PEAK1: variants seen among roughly 807,000 people sequenced by gnomAD.
The protein encoded by PEAK1 is pseudopodium enriched atypical kinase 1.
PEAK1 carries 54 observed loss-of-function variants against 124.7 expected under a neutral mutation model. The observed-to-expected ratio is 0.43, with a 90% confidence interval of 0.35 to 0.54. The LOEUF (loss-of-function observed/expected upper bound fraction) is 0.54, where lower values mean the gene tolerates loss of function less well. Ranked by LOEUF, PEAK1 falls within the 20% of genes least tolerant of loss-of-function variation. PEAK1 has a pLI of 0.01. For missense variants in PEAK1, 2,046 were observed against 2,134.5 expected (o/e 0.96, Z 0.82); for synonymous variants, 719 against 760.0 (o/e 0.95, Z 0.89).
intron 8 of PEAK1, among the ~76,000 whole-genome samples, chr15:77,141,287 T>C (rs1287861852): frequency 2.0e-5 from 3 of 152,182 alleles, no homozygotes; most frequent in African/African-American, 7.2e-5. Flanking sequence ...GACAATTCTA[T>C]TTACAACACC....
chr15:77,353,266 G>C (rs2067312968), intron 2 of PEAK1, among the ~76,000 whole-genome samples: 1 of 152,174 alleles, frequency 6.6e-6, no homozygotes, highest in African/African-American at 2.4e-5. Context: ...AACAGACTGT[G>C]GTAGAAGTGA....
chr15:77,356,750 AAATTAAGGCACAG>A (rs1269214242), intron 2 of PEAK1, among the ~76,000 whole-genome samples: 4 of 152,334 alleles, frequency 2.6e-5, no homozygotes, highest in African/African-American at 9.6e-5. Context: ...TAGAAATCCA[AAATTAAGGCACAG>A]AATTAAGGCA....
At chr15:77,208,334 C>G (rs999137868) in intron 6 of PEAK1, among the ~76,000 whole-genome samples, 3 of 152,186 alleles carry the variant, frequency 2.0e-5, no homozygotes, top group Non-Finnish European at 2.9e-5. Context: ...AAGTCCCACT[C>G]AACTCTATGC....
At chr15:77,259,745 A>C (rs1484158748) in intron 5 of PEAK1, among the ~76,000 whole-genome samples, 1 of 152,178 alleles carries the variant, frequency 6.6e-6, no homozygotes, top group Non-Finnish European at 1.5e-5. Context: ...TCCCTAAGAA[A>C]ACAGAAATAA....
chr15:77,402,145 G>C, intron 1 of PEAK1: 2 of 936,224 alleles, frequency 2.1e-6, no homozygotes, highest in Non-Finnish European at 2.5e-6. Flanking sequence ...GTTGTAGTGA[G>C]CCAAGAGGGA....
intron 2 of PEAK1, among the ~76,000 whole-genome samples, chr15:77,318,428 C>T (rs1414115692): frequency 1.3e-5 from 2 of 151,962 alleles, no homozygotes; most frequent in Admixed American, 1.3e-4. Context: ...TGCCAGAAAC[C>T]CCTTATATTA....
chr15:77,403,246 C>G, intron 1 of PEAK1: 6 of 985,372 alleles, frequency 6.1e-6, no homozygotes, highest in Non-Finnish European at 7.2e-6. Context: ...TCAAGTCTAT[C>G]TCCCAATACC....
At chr15:77,284,202 G>C (rs532856243) in intron 4 of PEAK1, among the ~76,000 whole-genome samples, 172 bp from the exon 5 acceptor site, 1 of 152,304 alleles carries the variant, frequency 6.6e-6, no homozygotes, top group South Asian at 2.1e-4. Context: ...AGAGCAAAGA[G>C]CTTTGAAATG....
At chr15:77,253,645 C>G (rs1418205371) in intron 5 of PEAK1, among the ~76,000 whole-genome samples, 1 of 152,074 alleles carries the variant, frequency 6.6e-6, no homozygotes, top group Admixed American at 6.6e-5. Context: ...TTGGATATTG[C>G]ATTGTGACCT....
intron 2 of PEAK1, among the ~76,000 whole-genome samples, chr15:77,304,360 T>C (rs952711074): frequency 1.2e-4 from 18 of 152,128 alleles, no homozygotes; most frequent in Admixed American, 1.2e-3. Context: ...TGCATTGTAG[T>C]TTTCCACCTA....
At chr15:77,177,526 C>T (rs1437006793) in intron 7 of PEAK1, among the ~76,000 whole-genome samples, 2 of 152,078 alleles carry the variant, frequency 1.3e-5, no homozygotes, top group African/African-American at 4.8e-5. Flanking sequence ...GTGTTCACTT[C>T]ATTTTTTATT....
At chr15:77,236,105 T>C (rs1488953953) in intron 6 of PEAK1, among the ~76,000 whole-genome samples, 1 of 152,112 alleles carries the variant, frequency 6.6e-6, no homozygotes, top group African/African-American at 2.4e-5. Flanking sequence ...AAACGTGGGG[T>C]TGGAGTCTCC....
intron 9 of PEAK1, among the ~76,000 whole-genome samples, chr15:77,118,508 A>T (rs1200043767): frequency 6.6e-6 from 1 of 152,158 alleles, no homozygotes; most frequent in East Asian, 1.9e-4. Flanking sequence ...ATTTTTCAGA[A>T]CAAATGGATA....
intron 2 of PEAK1, chr15:77,332,077 A>G: frequency 1.7e-6 from 1 of 573,080 alleles, no homozygotes; most frequent in South Asian, 7.7e-5. Flanking sequence ...TCTACTAAAA[A>G]TACGCCACTG....
downstream of PEAK1, chr15:77,107,210 AG>A (rs1596193165): frequency 1.3e-5 from 2 of 152,242 alleles, no homozygotes; most frequent in African/African-American, 4.8e-5. Flanking sequence ...GAAGTTCTCT[AG>A]GCTCTTCTCC....
Position 77,175,613 on chromosome 15 carries a change from G to A in PEAK1, c.3137+3177C>T, listed in dbSNP as rs867725946. Among the ~76,000 whole-genome samples, 1,205 of 152,266 alleles carry A rather than the reference G, an allele frequency of 7.9e-3. 19 individuals are homozygous for A. The highest frequency in any genetic ancestry group is 0.027 in the African/African-American group (1,120 of 41,562). On this transcript the variant is annotated intron_variant, in intron 7 of 9. Coordinates refer to ENST00000682557, the MANE Select transcript of PEAK1 (RefSeq NM_001385026.1). Reference sequence around the variant, plus strand: ...AAAAGTCAGGAAACAACAGGTGCTGGAGAGGATGTGGAGAAACAGGAACAC... The same window carrying A: ...AAAAGTCAGGAAACAACAGGTGCTGAAGAGGATGTGGAGAAACAGGAACAC...
chr15:77,229,605 T>C (rs2059817039), intron 6 of PEAK1, among the ~76,000 whole-genome samples: 1 of 152,124 alleles, frequency 6.6e-6, no homozygotes, highest in Non-Finnish European at 1.5e-5. Flanking sequence ...TGACCATTTT[T>C]GTTACATGCA....
chr15:77,284,251 C>T (rs1270741512), intron 4 of PEAK1, among the ~76,000 whole-genome samples: 2 of 152,194 alleles, frequency 1.3e-5, no homozygotes, highest in Non-Finnish European at 2.9e-5. Context: ...TCAGTCTCAC[C>T]ATCTTCACAT....
chr15:77,181,953 T>C lies in PEAK1; in HGVS notation c.-27A>G. 6.6e-7 allele frequency: 1 copy of C among 1,525,570 alleles called. No homozygotes were observed. Among genetic ancestry groups the C allele is most frequent in the Non-Finnish European group, 8.8e-7 (1 of 1,139,410 alleles). 94.5% of individuals were successfully genotyped at this position (1,525,570 alleles called of 1,614,324 possible). ...TTTAAAAATAGAACTTCACAGACAA[T>C]GCTTTTCTTTCAGTGCATGACAAAA... is the stretch of plus-strand genomic sequence containing the variant. On this transcript the variant is annotated 5_prime_UTR_variant, in exon 7 of 10. Coordinates refer to ENST00000682557, the MANE Select transcript of PEAK1 (RefSeq NM_001385026.1).
Sources: gnomAD v4.1 joint callset for allele counts (sites outside exome capture counted in the v4.1 genomes callset) on GRCh38, gnomAD v4.1.1 for gene constraint, MANE v1.5 for transcripts, NCBI Gene and HGNC (gene_info 2026-07-23, HGNC 2026-07-21) for gene names.